Variants in DNHD1 observed in about 807,000 individuals in gnomAD.
The protein encoded by DNHD1 is dynein heavy chain domain 1, also known as dynein heavy chain domain-containing protein 1.
DNHD1 carries 383 observed loss-of-function variants against 458.1 expected under a neutral mutation model. The observed-to-expected ratio is 0.84, with a 90% confidence interval of 0.77 to 0.91. DNHD1 has a LOEUF of 0.91. Ranked by LOEUF, DNHD1 falls within the 40% of genes least tolerant of loss-of-function variation. The pLI is 0.00. For synonymous variants in DNHD1, 2,203 were observed against 2,376.9 expected (o/e 0.93, Z 2.13); for missense variants, 5,336 against 5,866.1 (o/e 0.91, Z 2.95).
rs1264997441 is a variant in DNHD1, at chr11:6,568,877, C to T, written c.12863+11C>T. ...ACACAGGGGGCGCTGGTGAGGGACCCCCACCCATTCCTGCTCAGTCAATCA... is the reference window on the plus strand; with the variant it reads ...ACACAGGGGGCGCTGGTGAGGGACCTCCACCCATTCCTGCTCAGTCAATCA... On this transcript the variant is annotated intron_variant, in intron 39 of 42. Transcript: ENST00000254579. 6.2e-7 allele frequency: 1 copy of T among 1,600,306 alleles called. No homozygotes were observed.
Position 6,558,993 on chromosome 11 carries a change from G to A in DNHD1, c.9303G>A (p.Glu3101=). 1 of 1,551,636 alleles carries A rather than the reference G, an allele frequency of 6.4e-7. No individual in the cohort carries two copies. The highest frequency in any genetic ancestry group is 8.7e-7 in the Non-Finnish European group (1 of 1,146,994). The change falls in exon 27 of 43, where the codon GAG becomes GAA. Residue 3101 remains glutamate (E), a synonymous_variant. Transcript: ENST00000254579. ...ACCTTTCGGCCACCCACTACCATGA[G>A]CACCTGTGCCCTGCATTGCCACTCG... is the stretch of plus-strand genomic sequence containing the variant. ...LIHLSATHYH[E]HLCPALPLVT... is the part of the protein sequence containing the mutation.
Position 6,511,381 on chromosome 11 carries a change from A to G in DNHD1, c.1344A>G (p.Leu448=). Residue 448 remains leucine, a synonymous_variant, in exon 7 of 43, where the codon CTA becomes CTG. Coordinates refer to ENST00000254579, the MANE Select transcript of DNHD1 (RefSeq NM_144666.3). ...TALAEEKHKA[L]RLLHRCLNLC... ...TAGCCGAGGAGAAGCATAAGGCTCT[A>G]CGGCTGCTCCATCGTTGCCTAAACC... is the stretch of plus-strand genomic sequence containing the variant. 6.2e-7 allele frequency: 1 copy of G among 1,614,232 alleles called. No individual in the cohort carries two copies. Among genetic ancestry groups the G allele is most frequent in the Admixed American group, 1.7e-5 (1 of 60,036 alleles).
chr11:6,545,011 C>T lies in DNHD1; in HGVS notation c.4072C>T (p.Arg1358Cys), dbSNP rs12574381. The T allele has an allele frequency of 4.7e-4, 727 of 1,551,758 alleles. 9 individuals are homozygous for T. In the East Asian group the frequency reaches 9.6e-3, roughly 20 times the overall value. ...VLYGVCAHFP[R>C]LFFLSDSELV... The stretch of plus-strand genomic sequence containing the variant: ...CTATGGGGTGTGTGCTCACTTCCCC[C>T]GCCTCTTCTTCCTTAGTGACAGTGA... Residue 1358 changes from arginine (R) to cysteine (C), a missense_variant, in exon 21 of 43, where the codon CGC becomes TGC. Physicochemically the swap from Arg to Cys is radical, Grantham distance 180. Around this residue, in one of 4 missense-constraint regions of DNHD1, gnomAD observed 3,932 missense variants for 4,365.6 expected, o/e 0.90. Coordinates refer to ENST00000254579, the MANE Select transcript of DNHD1 (RefSeq NM_144666.3). This position sits in a 1 kb window ranked among gnomAD's most constrained non-coding sequence, Gnocchi z 4.9.
chr11:6,551,671 T>A (rs141582377), intron 24 of DNHD1, among the ~76,000 whole-genome samples: 40 of 152,284 alleles, frequency 2.6e-4, no homozygotes, highest in African/African-American at 7.7e-4. Flanking sequence ...GGCCGGGCAC[T>A]GTGGCTCACG....
intron 32 of DNHD1, 90 bp downstream of exon 32, chr11:6,564,894 A>T: frequency 8.8e-7 from 1 of 1,141,328 alleles, no homozygotes; most frequent in Non-Finnish European, 1.2e-6. Flanking sequence ...TAATGAGGAC[A>T]CTGTATTTTT....
chr11:6,515,114 A>G (rs1018334356), intron 7 of DNHD1, among the ~76,000 whole-genome samples: 7 of 152,340 alleles, frequency 4.6e-5, no homozygotes, highest in Admixed American at 4.6e-4. Flanking sequence ...GCCCTCTTAA[A>G]GACCCCATCT....
rs145187870 is a variant in DNHD1 at position 6,547,555 on chromosome 11, G to A, written c.6616G>A (p.Gly2206Arg). Residue 2206 changes from glycine (G) to arginine (R), a missense_variant, in exon 21 of 43, where the codon GGG becomes AGG. Physicochemically the swap from Gly to Arg is moderately radical, Grantham distance 125. This residue lies in a region of DNHD1 where 3,932 missense variants were observed against 4,365.6 expected (regional missense o/e 0.90). Coordinates refer to ENST00000254579, the MANE Select transcript of DNHD1 (RefSeq NM_144666.3). ...QGVSSLLQVH[G>R]QQAVCAGVAE... ...TGTCAGCTCTCTGCTGCAGGTACAC[G>A]GGCAGCAGGCTGTTTGTGCAGGTGT... 1,736 of 1,550,968 alleles carry A rather than the reference G, an allele frequency of 1.1e-3. 1 individual carries two copies. Among genetic ancestry groups the A allele is most frequent in the Non-Finnish European group, 1.4e-3 (1,654 of 1,146,384 alleles).
chr11:6,568,891 C>A, intron 39 of DNHD1, 25 bp downstream of exon 39: 1 of 1,587,586 alleles, frequency 6.3e-7, no homozygotes, highest in Non-Finnish European at 8.6e-7. Context: ...CCCATTCCTG[C>A]TCAGTCAATC....
intron 6 of DNHD1, 77 bp from the exon 7 acceptor site, chr11:6,511,196 C>A: frequency 6.4e-7 from 1 of 1,551,376 alleles, no homozygotes; most frequent in South Asian, 1.2e-5. Context: ...CTGAGGTAAG[C>A]TAGGCTGAGA....
chr11:6,512,514 G>A (rs770717797), intron 7 of DNHD1, among the ~76,000 whole-genome samples: 44 of 151,982 alleles, frequency 2.9e-4, no homozygotes, highest in East Asian at 3.9e-4. Context: ...GAACCACCGC[G>A]CCTGGCCGAC....
At position 6,534,126 on chromosome 11, in the gene DNHD1, C is replaced by G; in HGVS notation, c.2951C>G (p.Thr984Arg). ...TCCCTAGAGCGTCAGTTCCAGAACA[C>G]AGTCAGCGACCTCAGTGAACTGCAC... ...LVSLERQFQN[T>R]VSDLSELHHA... is the part of the protein sequence containing the mutation. The change falls in exon 14 of 43, where the codon ACA (threonine) becomes AGA (arginine). Residue 984 changes from threonine to arginine, a missense_variant. By Grantham distance (71) the Thr-to-Arg change is moderately conservative. Transcript: ENST00000254579. The G allele has an allele frequency of 1.3e-6, 2 of 1,551,444 alleles. No individual in the cohort carries two copies. The highest frequency in any genetic ancestry group is 4.9e-5 in the East Asian group (2 of 40,896).
In DNHD1 at chr11:6,570,260, C is replaced by CG. The variant is rs1589900797; in HGVS notation, c.12974dup (p.Pro4326SerfsTer6). Reference sequence around the variant, plus strand: ...CCTCATCTTCAGCTTCAGTTTTCTACGGGGGTCCTCTGGGGGACACTGAGG... The same window carrying CG: ...CCTCATCTTCAGCTTCAGTTTTCTACGGGGGGTCCTCTGGGGGACACTGAGG... On this transcript the variant is annotated frameshift_variant, in exon 41 of 43. Coordinates refer to ENST00000254579, the MANE Select transcript of DNHD1 (RefSeq NM_144666.3). LOFTEE classifies it high-confidence loss of function. 1.2e-6 allele frequency: 2 copies of CG among 1,613,648 alleles called. No individual in the cohort carries two copies. Among genetic ancestry groups the CG allele is most frequent in the Non-Finnish European group, 1.7e-6 (2 of 1,179,760 alleles).
Position 6,538,679 on chromosome 11 carries a change from C to G in DNHD1, c.3194C>G (p.Thr1065Ser). 6.5e-7 allele frequency: 1 copy of G among 1,549,818 alleles called. No individual in the cohort carries two copies. Among genetic ancestry groups the G allele is most frequent in the Non-Finnish European group, 8.7e-7 (1 of 1,145,714 alleles). Residue 1065 changes from threonine to serine, a missense_variant, in exon 16 of 43, where the codon ACC (threonine) becomes AGC (serine). Coordinates refer to ENST00000254579, the MANE Select transcript of DNHD1 (RefSeq NM_144666.3). The stretch of plus-strand genomic sequence containing the variant: ...ACAGAGGCAGCACGGATGAGCACAA[C>G]CCTGGAGCTGCACAGCCCCGTGCTG... ...WLTEAARMST[T>S]LELHSPVLQH...
At chr11:6,558,881 C>A (rs905000807) in intron 26 of DNHD1, 21 bp from the exon 27 acceptor site, 6 of 1,551,352 alleles carry the variant, frequency 3.9e-6, no homozygotes, top group Non-Finnish European at 5.2e-6. Flanking sequence ...CAGAGTGAGG[C>A]TAAAGCCATG....
At chr11:6,509,853 G>C (rs538959401) in intron 6 of DNHD1, among the ~76,000 whole-genome samples, 41 of 152,294 alleles carry the variant, frequency 2.7e-4, no homozygotes, top group Non-Finnish European at 4.9e-4. Context: ...AAGTATTGAA[G>C]GAATGCAGTG....
chr11:6,536,692 T>C (rs1852958482), intron 14 of DNHD1, among the ~76,000 whole-genome samples: 1 of 152,212 alleles, frequency 6.6e-6, no homozygotes, highest in Non-Finnish European at 1.5e-5. Flanking sequence ...AGTTTTAAAA[T>C]GCATGGAAAT....
intron 14 of DNHD1, 140 bp downstream of exon 14, chr11:6,534,313 TA>T: frequency 1.1e-6 from 1 of 899,872 alleles, no homozygotes; most frequent in Non-Finnish European, 1.6e-6. Flanking sequence ...GTGTCTTTTA[TA>T]AATGAAAATT....
At position 6,546,340 on chromosome 11, in the gene DNHD1, T is replaced by C. The variant is rs1853217397; in HGVS notation, c.5401T>C (p.Tyr1801His). 1.3e-6 allele frequency: 2 copies of C among 1,552,248 alleles called. No homozygotes were observed. Among genetic ancestry groups the C allele is most frequent in the Admixed American group, 2.0e-5 (1 of 50,996 alleles). The change falls in exon 21 of 43, where the codon TAT becomes CAT. Residue 1801 changes from tyrosine (Y) to histidine (H), a missense_variant. Transcript: ENST00000254579. ...EKHHVSVRLG[Y>H]GCLLVLRALS... ...ACATCACGTGTCTGTGCGCCTTGGCTATGGCTGTCTCCTGGTACTGCGTGC... is the reference window on the plus strand; with the variant it reads ...ACATCACGTGTCTGTGCGCCTTGGCCATGGCTGTCTCCTGGTACTGCGTGC...
At position 6,548,170 on chromosome 11, in the gene DNHD1, T is replaced by A. The variant is rs1451871130; in HGVS notation, c.6906-40T>A. The A allele has an allele frequency of 6.5e-7, 1 of 1,548,516 alleles. No homozygotes were observed. Among genetic ancestry groups the A allele is most frequent in the Non-Finnish European group, 8.7e-7 (1 of 1,144,416 alleles). Reference sequence around the variant, plus strand: ...GAGTGTGTCATAAATGGAAGTGTTGTAACTGTCTGACGCTTTTGCCTGTGT... The same window carrying A: ...GAGTGTGTCATAAATGGAAGTGTTGAAACTGTCTGACGCTTTTGCCTGTGT... On this transcript the variant is annotated intron_variant, in intron 22 of 42. Transcript: ENST00000254579. The surrounding 1 kb of genome is among the most constrained non-coding windows in gnomAD (Gnocchi z 4.4).
Sources: allele counts gnomAD v4.1 joint callset (sites outside exome capture counted in the v4.1 genomes callset), GRCh38; gene constraint gnomAD v4.1.1; regional missense constraint gnomAD v4.1.1; non-coding constraint Gnocchi (gnomAD v3.1); transcripts MANE v1.5; gene names NCBI Gene and HGNC (gene_info 2026-07-23, HGNC 2026-07-21).